Variants in GHR observed in about 807,000 individuals in gnomAD.
The protein encoded by GHR is growth hormone receptor, also known as GH receptor.
Under a neutral mutation model 67.1 loss-of-function variants are expected in GHR, and 35 were observed. That is an observed-to-expected ratio of 0.52 (90% confidence interval 0.40 to 0.69). The LOEUF is 0.69. Ranked by LOEUF, GHR falls within the 30% of genes least tolerant of loss-of-function variation. GHR has a pLI of 0.00. For synonymous variants in GHR, 272 were observed against 269.1 expected, an observed-to-expected ratio of 1.01 and a Z score of -0.10; for missense variants, 792 against 764.6, an observed-to-expected ratio of 1.04 and a Z score of -0.42.
intron 3 of GHR, among the ~76,000 whole-genome samples, chr5:42,681,809 G>A (rs1373460526): frequency 5.3e-5 from 8 of 151,612 alleles, no homozygotes; most frequent in Non-Finnish European, 8.8e-5. Flanking sequence ...AGTGGCGGGC[G>A]CCTGTAGTCC....
chr5:42,465,385 G>C, intron 1 of GHR: 1 of 1,144,172 alleles, frequency 8.7e-7, no homozygotes, highest in East Asian at 2.3e-5. Context: ...GGTATAAAGG[G>C]ATTGAAGAGG....
intron 2 of GHR, among the ~76,000 whole-genome samples, chr5:42,566,612 G>C (rs1235431035): frequency 6.6e-6 from 1 of 151,690 alleles, no homozygotes; most frequent in East Asian, 1.9e-4. Context: ...TAATAGAAGG[G>C]AAAGGGAAGA....
chr5:42,576,211 A>G (rs1300261286), intron 2 of GHR, among the ~76,000 whole-genome samples: 1 of 151,882 alleles, frequency 6.6e-6, no homozygotes. Flanking sequence ...AGCATCTGCT[A>G]CAGTGACTTT....
chr5:42,466,747 T>G, intron 1 of GHR: 1 of 502,126 alleles, frequency 2.0e-6, no homozygotes, highest in Non-Finnish European at 3.3e-6. Context: ...TCTTGTGTTT[T>G]GTGCTGCATT....
chr5:42,472,091 G>C (rs982742282), intron 1 of GHR, among the ~76,000 whole-genome samples: 3 of 152,156 alleles, frequency 2.0e-5, no homozygotes, highest in African/African-American at 7.2e-5. Flanking sequence ...GAGGTCTTTT[G>C]CAAAATCTGA....
At chr5:42,562,382 C>A (rs1240235272) in intron 1 of GHR, among the ~76,000 whole-genome samples, 1 of 152,142 alleles carries the variant, frequency 6.6e-6, no homozygotes, top group Non-Finnish European at 1.5e-5. Flanking sequence ...TTATCTTCTG[C>A]TGAATCCATC....
At chr5:42,451,768 C>T (rs1442661496) in intron 1 of GHR, among the ~76,000 whole-genome samples, 3 of 151,060 alleles carry the variant, frequency 2.0e-5, no homozygotes, top group Non-Finnish European at 4.4e-5. Flanking sequence ...TATCTTTTTC[C>T]ACTTCTTTAC....
At chr5:42,477,129 G>A (rs1329889329) in intron 1 of GHR, among the ~76,000 whole-genome samples, 10 of 148,278 alleles carry the variant, frequency 6.7e-5, no homozygotes, top group African/African-American at 1.5e-4. Flanking sequence ...GAGAACATGC[G>A]GTGTTTGGTT....
chr5:42,694,474 C>T (rs953100291), intron 4 of GHR, among the ~76,000 whole-genome samples: 54 of 152,158 alleles, frequency 3.5e-4, no homozygotes, highest in African/African-American at 1.3e-3. Flanking sequence ...AACTTGTCTC[C>T]TCAGTTTCTT....
chr5:42,719,708 T>A lies in GHR; in HGVS notation c.*284T>A. 2 of 425,280 alleles carry A rather than the reference T, an allele frequency of 4.7e-6. No individual in the cohort carries two copies. The highest frequency in any genetic ancestry group is 8.8e-6 in the Non-Finnish European group (2 of 227,060). The allele number at this position is 425,280 out of a possible 1,614,324, so 26.3% of individuals were successfully genotyped here. A position where few individuals can be genotyped will look rare whatever the true frequency, so the allele number is the denominator to read the frequency against. Reference sequence around the variant, plus strand: ...TAATATTGTGGGTGTTAATTTTTGATACTAAGCATTGAATGGCTATGTTTT... The same window carrying A: ...TAATATTGTGGGTGTTAATTTTTGAAACTAAGCATTGAATGGCTATGTTTT... On this transcript the variant is annotated 3_prime_UTR_variant, in exon 10 of 10. Coordinates refer to ENST00000230882, the MANE Select transcript of GHR (RefSeq NM_000163.5).
At chr5:42,671,738 C>G (rs969104169) in intron 3 of GHR, among the ~76,000 whole-genome samples, 9 of 151,266 alleles carry the variant, frequency 5.9e-5, no homozygotes, top group African/African-American at 2.2e-4. Context: ...GGGCGGATCA[C>G]GAGGTCAGGA....
chr5:42,445,963 C>G (rs1013383301), intron 1 of GHR, among the ~76,000 whole-genome samples: 1 of 152,192 alleles, frequency 6.6e-6, no homozygotes, highest in Non-Finnish European at 1.5e-5. Context: ...TTAATATTAA[C>G]AGGCTCACTG....
chr5:42,554,971 C>T (rs1272242228), intron 1 of GHR, among the ~76,000 whole-genome samples: 1 of 152,070 alleles, frequency 6.6e-6, no homozygotes, highest in Admixed American at 6.6e-5. Flanking sequence ...TCTATTAAAG[C>T]TATTAACAAT....
intron 5 of GHR, among the ~76,000 whole-genome samples, chr5:42,696,534 A>C (rs547303006): frequency 1.2e-4 from 18 of 152,322 alleles, no homozygotes; most frequent in African/African-American, 4.1e-4. Flanking sequence ...GCCTTTCAGT[A>C]ACTACTAAGT....
chr5:42,698,563 A>G (rs888584966), intron 5 of GHR, among the ~76,000 whole-genome samples: 1 of 152,146 alleles, frequency 6.6e-6, no homozygotes, highest in Non-Finnish European at 1.5e-5. Flanking sequence ...TGTTTTTAAA[A>G]AGGTGGTGTC....
chr5:42,504,418 A>G (rs1262368821), intron 1 of GHR, among the ~76,000 whole-genome samples: 2 of 152,094 alleles, frequency 1.3e-5, no homozygotes, highest in African/African-American at 4.8e-5. Flanking sequence ...CATCCCTCAT[A>G]ATGATCTTCT....
At chr5:42,661,056 G>C (rs1291852777) in intron 3 of GHR, among the ~76,000 whole-genome samples, 1 of 152,030 alleles carries the variant, frequency 6.6e-6, no homozygotes, top group Non-Finnish European at 1.5e-5. Flanking sequence ...GAAGTTTAGA[G>C]AAAAAAGAAT....
intron 1 of GHR, among the ~76,000 whole-genome samples, chr5:42,501,360 CT>C (rs58942296): frequency 0.24 from 36,605 of 149,486 alleles, 4,851 homozygotes; most frequent in Middle Eastern, 0.35. Context: ...TTTAAATTAG[CT>C]TTTTTTTTTA....
At chr5:42,593,024 T>C (rs1349665201) in intron 2 of GHR, among the ~76,000 whole-genome samples, 1 of 152,214 alleles carries the variant, frequency 6.6e-6, no homozygotes, top group Non-Finnish European at 1.5e-5. Flanking sequence ...ATGCTTATTT[T>C]CCATGTGTAT....
Sources: allele counts gnomAD v4.1 joint callset (sites outside exome capture counted in the v4.1 genomes callset), GRCh38; gene constraint gnomAD v4.1.1; transcripts MANE v1.5; gene names NCBI Gene and HGNC (gene_info 2026-07-23, HGNC 2026-07-21).